The following PRELID2 variants were observed in gnomAD, a reference collection of about 807,000 sequenced individuals.
PRELID2 encodes the protein PRELI domain-containing protein 2.
Under a neutral mutation model 28.4 loss-of-function variants are expected in PRELID2, and 25 were observed. That is an observed-to-expected ratio of 0.88 (90% CI 0.64 to 1.23). The LOEUF (loss-of-function observed/expected upper bound fraction) is 1.23. Among genes scored for constraint, PRELID2 ranks in the 50% most tolerant of loss-of-function variants. The pLI is 0.00. For missense variants in PRELID2, 201 were observed against 214.4 expected (o/e 0.94, Z 0.39); for synonymous variants, 76 against 71.6 (o/e 1.06, Z -0.31).
In PRELID2 at chr5:145,761,017, A is replaced by G. The variant is rs549804456; in HGVS notation, c.*11-492T>C. 3.9e-5 allele frequency among the ~76,000 whole-genome samples: 6 copies of G among 152,336 alleles called. No homozygotes were observed. In the East Asian group the frequency reaches 1.2e-3, roughly 29 times the overall value. Reference sequence around the variant, plus strand: ...ACCTTCTAAGCTTTCTCATTTTCAAATGCCCACTTGGACATACAGGTCAGA... The same window carrying G: ...ACCTTCTAAGCTTTCTCATTTTCAAGTGCCCACTTGGACATACAGGTCAGA... On this transcript the variant is annotated intron_variant, in intron 6 of 6. Transcript: ENST00000683046.
At chr5:145,269,313 A>C in the PRELID2 span, among the ~76,000 whole-genome samples, 1 of 152,132 alleles carries the variant, frequency 6.6e-6, no homozygotes, top group East Asian at 1.9e-4. Context: ...TAGATCATTG[A>C]AACAATAAAT....
At chr5:145,627,717 T>C (rs1581012086) in intron 1 of PRELID2, among the ~76,000 whole-genome samples, 1 of 152,156 alleles carries the variant, frequency 6.6e-6, no homozygotes, top group African/African-American at 2.4e-5. Flanking sequence ...ACAACTCTAA[T>C]CAACCCATCC....
chr5:145,416,008 G>C, the PRELID2 span, among the ~76,000 whole-genome samples: 2 of 151,998 alleles, frequency 1.3e-5, no homozygotes, highest in Non-Finnish European at 1.5e-5. Flanking sequence ...TTGTGGTTTT[G>C]ATTTGCATTT....
chr5:145,762,059 A>C (rs780706722), intron 6 of PRELID2, among the ~76,000 whole-genome samples: 3 of 152,230 alleles, frequency 2.0e-5, no homozygotes, highest in Non-Finnish European at 4.4e-5. Context: ...GAGTACATAC[A>C]TACATATACA....
the PRELID2 span, among the ~76,000 whole-genome samples, chr5:145,301,430 A>C: frequency 6.6e-6 from 1 of 152,156 alleles, no homozygotes; most frequent in East Asian, 1.9e-4. Context: ...CATGTATAAC[A>C]TGGATATTTT....
In PRELID2 at chr5:145,663,701, G is replaced by A. The variant is rs1754536546; in HGVS notation, n.70+101230C>T. Among the ~76,000 whole-genome samples, 3 of 152,240 alleles carry A rather than the reference G, an allele frequency of 2.0e-5. No individual in the cohort carries two copies. In the South Asian group the frequency reaches 6.2e-4, roughly 32 times the overall value. On this transcript the variant is annotated intron_variant and non_coding_transcript_variant, in intron 1 of 2. Transcript: ENST00000510259. The stretch of plus-strand genomic sequence containing the variant: ...GAGGATGGGTCTTGAAAGCAAGGTA[G>A]ATCTGAATCCTAACCCCGACTTCAT...
intron 4 of PRELID2, among the ~76,000 whole-genome samples, chr5:145,806,991 C>G (rs1753558295): frequency 6.6e-6 from 1 of 152,162 alleles, no homozygotes. Context: ...TGGACTAATA[C>G]ACCATTATCA....
chr5:145,724,071 TAA>T (rs1429773071), intron 1 of PRELID2, among the ~76,000 whole-genome samples: 1 of 152,112 alleles, frequency 6.6e-6, no homozygotes, highest in African/African-American at 2.4e-5. Flanking sequence ...CATATATTGA[TAA>T]GTGACAAATG....
intron 1 of PRELID2, among the ~76,000 whole-genome samples, chr5:145,527,042 G>C (rs1159385765): frequency 6.6e-6 from 1 of 152,184 alleles, no homozygotes; most frequent in African/African-American, 2.4e-5. Context: ...GAGAGAATTA[G>C]ATTAGATTTA....
the PRELID2 span, among the ~76,000 whole-genome samples, chr5:145,355,446 C>T: frequency 6.6e-6 from 1 of 151,912 alleles, no homozygotes; most frequent in Non-Finnish European, 1.5e-5. Flanking sequence ...TATTTTATTT[C>T]CTCTCATAAT....
At chr5:145,691,221 G>A (rs754927315) in intron 1 of PRELID2, among the ~76,000 whole-genome samples, 1 of 152,106 alleles carries the variant, frequency 6.6e-6, no homozygotes, top group Non-Finnish European at 1.5e-5. Context: ...ATTCAACAAC[G>A]TTTCAGCCAA....
chr5:145,752,843 C>T (rs887762152), downstream of PRELID2, among the ~76,000 whole-genome samples: 23 of 152,110 alleles, frequency 1.5e-4, no homozygotes, highest in African/African-American at 4.8e-4. Flanking sequence ...CTCTGATTGA[C>T]AAGAATGACT....
chr5:145,637,972 A>G (rs1754030359), intron 1 of PRELID2, among the ~76,000 whole-genome samples: 1 of 151,942 alleles, frequency 6.6e-6, no homozygotes, highest in African/African-American at 2.4e-5. Flanking sequence ...CACCACATCC[A>G]GCTAATTTTT....
chr5:145,365,432 A>C, the PRELID2 span, among the ~76,000 whole-genome samples: 1 of 91,590 alleles, frequency 1.1e-5, no homozygotes, highest in Non-Finnish European at 2.8e-5. Flanking sequence ...AAATTTTATA[A>C]ATTTAATTTA....
At chr5:145,422,264 C>T in the PRELID2 span, among the ~76,000 whole-genome samples, 6 of 151,102 alleles carry the variant, frequency 4.0e-5, no homozygotes, top group East Asian at 1.9e-4. Flanking sequence ...TGGTGCAGAG[C>T]TGAGTTCAAT....
intron 1 of PRELID2, among the ~76,000 whole-genome samples, chr5:145,680,985 C>T (rs1393577448): frequency 1.3e-5 from 2 of 152,210 alleles, no homozygotes; most frequent in Non-Finnish European, 2.9e-5. Flanking sequence ...CTGTGACTTT[C>T]ACACCCTCAC....
At chr5:145,735,014 A>T (rs796852184) in intron 1 of PRELID2, among the ~76,000 whole-genome samples, 2 of 152,192 alleles carry the variant, frequency 1.3e-5, no homozygotes, top group East Asian at 3.8e-4. Context: ...TGGGAGGATA[A>T]GGCGGGCAGA....
chr5:145,740,912 ACATATATTTATCGATAAATATATATG>A (rs1756689870), intron 1 of PRELID2, among the ~76,000 whole-genome samples: 1 of 58,452 alleles, frequency 1.7e-5, no homozygotes, highest in Non-Finnish European at 3.7e-5. Context: ...ATATATATGT[ACATATATTTATCGATAAATATATATG>A]TACATATATT....
At chr5:145,338,149 G>T in the PRELID2 span, 1 of 152,104 alleles carries the variant, frequency 6.6e-6, no homozygotes, top group African/African-American at 2.4e-5. Flanking sequence ...ACATGTTGCA[G>T]TCACTCTGTT....
Sources: allele counts gnomAD v4.1 joint callset (sites outside exome capture counted in the v4.1 genomes callset), GRCh38; gene constraint gnomAD v4.1.1; transcripts MANE v1.5; gene names NCBI Gene and HGNC (gene_info 2026-07-23, HGNC 2026-07-21).